CDH12: variants seen among roughly 807,000 people sequenced by gnomAD.
CDH12 encodes cadherin 12.
CDH12 carries 41 observed loss-of-function variants against 74.1 expected under a neutral mutation model. The observed-to-expected ratio is 0.55, with a 90% CI of 0.43 to 0.72. CDH12 has a LOEUF of 0.72. Among genes scored for constraint, CDH12 ranks in the 30% least tolerant of loss-of-function variants. CDH12 has a pLI of 0.00. For synonymous variants in CDH12, 399 were observed against 355.0 expected (o/e 1.12, Z -1.39); for missense variants, 945 against 977.2 (o/e 0.97, Z 0.44).
At chr5:22,650,788 T>C (rs1010705559) in intron 1 of CDH12, among the ~76,000 whole-genome samples, 1 of 152,000 alleles carries the variant, frequency 6.6e-6, no homozygotes, top group Non-Finnish European at 1.5e-5. Flanking sequence ...TATCAGAAAC[T>C]ACTAAGAAGG....
At chr5:22,413,871 G>A (rs1743268527) in intron 2 of CDH12, among the ~76,000 whole-genome samples, 1 of 151,764 alleles carries the variant, frequency 6.6e-6, no homozygotes, top group Non-Finnish European at 1.5e-5. Flanking sequence ...TTGAATCTAA[G>A]TTTTCTTTTC....
At chr5:21,846,531 T>G (rs1433823960) in intron 7 of CDH12, among the ~76,000 whole-genome samples, 1 of 152,124 alleles carries the variant, frequency 6.6e-6, no homozygotes, top group East Asian at 1.9e-4. Flanking sequence ...TACCATAATT[T>G]TTTAGTTCAC....
chr5:22,494,571 T>A (rs1747024955), intron 2 of CDH12, among the ~76,000 whole-genome samples: 1 of 152,256 alleles, frequency 6.6e-6, no homozygotes. Flanking sequence ...GATGTTCTTG[T>A]GACCAGAAAT....
At chr5:22,772,350 T>C (rs951330155) in intron 1 of CDH12, among the ~76,000 whole-genome samples, 1 of 152,006 alleles carries the variant, frequency 6.6e-6, no homozygotes. Context: ...GAAAGAATGA[T>C]GTCGGTTCAA....
intron 1 of CDH12, among the ~76,000 whole-genome samples, chr5:22,736,393 A>G (rs12658218): frequency 0.29 from 43,297 of 151,612 alleles, 6,522 homozygotes; most frequent in South Asian, 0.35. Flanking sequence ...TGTTATTTGC[A>G]AAAGATATTT....
At chr5:22,685,606 C>G (rs1005120945) in intron 1 of CDH12, among the ~76,000 whole-genome samples, 1 of 152,202 alleles carries the variant, frequency 6.6e-6, no homozygotes, top group African/African-American at 2.4e-5. Context: ...TTTTCTGTTT[C>G]TATCCATTTG....
At chr5:22,205,904 C>T (rs1253970715) in intron 4 of CDH12, among the ~76,000 whole-genome samples, 3 of 152,050 alleles carry the variant, frequency 2.0e-5, no homozygotes, top group African/African-American at 7.2e-5. Context: ...AAATATTTTG[C>T]TTTCTAAGAC....
chr5:22,509,842 T>C (rs1055633340), intron 1 of CDH12, among the ~76,000 whole-genome samples: 1 of 152,114 alleles, frequency 6.6e-6, no homozygotes, highest in Non-Finnish European at 1.5e-5. Flanking sequence ...CTGATGTGTG[T>C]AAACTCCAGA....
intron 1 of CDH12, among the ~76,000 whole-genome samples, chr5:22,674,426 G>C (rs763210890): frequency 6.6e-6 from 1 of 152,082 alleles, no homozygotes; most frequent in South Asian, 2.1e-4. Context: ...CATGTGGAAC[G>C]GTAAGTCCAT....
chr5:21,990,693 C>T (rs978328795), intron 5 of CDH12, among the ~76,000 whole-genome samples: 20 of 151,678 alleles, frequency 1.3e-4, no homozygotes, highest in Non-Finnish European at 2.1e-4. Context: ...TTTCTAATGG[C>T]TTTATGTGTC....
At chr5:21,992,813 G>T (rs1022240444) in intron 5 of CDH12, among the ~76,000 whole-genome samples, 2 of 152,072 alleles carry the variant, frequency 1.3e-5, no homozygotes, top group South Asian at 4.2e-4. Context: ...AAAACTTGAT[G>T]TATTAGTCCA....
intron 2 of CDH12, among the ~76,000 whole-genome samples, chr5:22,436,228 T>A (rs1185104919): frequency 2.4e-5 from 3 of 126,806 alleles, no homozygotes; most frequent in Non-Finnish European, 4.8e-5. Flanking sequence ...ATGAGAACAC[T>A]TGCACACAGG....
At chr5:22,104,164 T>C (rs563565186) in intron 4 of CDH12, among the ~76,000 whole-genome samples, 1 of 152,190 alleles carries the variant, frequency 6.6e-6, no homozygotes, top group African/African-American at 2.4e-5. Context: ...ATAGATATCA[T>C]ACCTACATTA....
At chr5:22,531,484 A>G (rs1737580063) in intron 1 of CDH12, among the ~76,000 whole-genome samples, 1 of 152,128 alleles carries the variant, frequency 6.6e-6, no homozygotes, top group Admixed American at 6.6e-5. Context: ...TCTATTGAAT[A>G]TTAATATATT....
rs181716200 is a variant in CDH12 at position 21,963,201 on chromosome 5, T to C, written c.526+11890A>G. Among the ~76,000 whole-genome samples the C allele has an allele frequency of 5.0e-3, 754 of 152,226 alleles. 3 individuals carry two copies. The highest frequency in any genetic ancestry group is 7.2e-3 in the Non-Finnish European group (490 of 68,002). On this transcript the variant is annotated intron_variant, in intron 6 of 14. Transcript: ENST00000382254. ...TATGTGCAGGTTTGTTACAAAGTTA[T>C]ATTGCTTGCTGCTACTGTTTGGGCT... is the stretch of plus-strand genomic sequence containing the variant.
At chr5:22,135,896 C>T (rs1746431632) in intron 4 of CDH12, among the ~76,000 whole-genome samples, 1 of 151,728 alleles carries the variant, frequency 6.6e-6, no homozygotes, top group South Asian at 2.1e-4. Context: ...TGTTTTGTGT[C>T]CTGAGTGCTT....
intron 4 of CDH12, among the ~76,000 whole-genome samples, chr5:22,086,646 C>T (rs532643038): frequency 5.9e-5 from 9 of 152,062 alleles, no homozygotes; most frequent in Non-Finnish European, 1.0e-4. Context: ...CGTGAGCCAC[C>T]GTGCCCGGCC....
At chr5:22,081,581 T>C (rs1446245034) in intron 4 of CDH12, among the ~76,000 whole-genome samples, 3 of 152,192 alleles carry the variant, frequency 2.0e-5, no homozygotes, top group African/African-American at 7.2e-5. Context: ...CCTGTTCTAT[T>C]AAACCTTTTC....
chr5:22,440,910 C>G (rs887484688), intron 2 of CDH12, among the ~76,000 whole-genome samples: 1 of 152,142 alleles, frequency 6.6e-6, no homozygotes, highest in African/African-American at 2.4e-5. Context: ...ACATTTTAAG[C>G]AAGCCATTAA....
Sources: allele counts gnomAD v4.1 joint callset (sites outside exome capture counted in the v4.1 genomes callset), GRCh38; gene constraint gnomAD v4.1.1; transcripts MANE v1.5; gene names NCBI Gene and HGNC (gene_info 2026-07-23, HGNC 2026-07-21).